PDE1C: variants seen among roughly 807,000 people sequenced by gnomAD.
PDE1C encodes the protein phosphodiesterase 1C.
Under a neutral mutation model 93.1 loss-of-function variants are expected in PDE1C, and 62 were observed. The ratio of observed to expected loss-of-function variants is 0.67; its 90% CI spans 0.54 to 0.82. PDE1C has a LOEUF of 0.82. Among genes scored for constraint, PDE1C ranks in the 40% least tolerant of loss-of-function variants. PDE1C has a pLI of 0.00. For synonymous variants in PDE1C, 325 were observed against 310.1 expected (o/e 1.05, Z -0.50); for missense variants, 742 against 884.6 (o/e 0.84, Z 2.04).
At chr7:31,733,454 C>T in the PDE1C span, among the ~76,000 whole-genome samples, 7 of 152,140 alleles carry the variant, frequency 4.6e-5, no homozygotes, top group Non-Finnish European at 8.8e-5. Flanking sequence ...AGAGAACAGC[C>T]ACTATGGCTC....
intron 2 of PDE1C, among the ~76,000 whole-genome samples, chr7:32,023,718 T>G (rs1789025224): frequency 6.6e-6 from 1 of 151,880 alleles, no homozygotes; most frequent in South Asian, 2.1e-4. Flanking sequence ...TACAAAATTA[T>G]AGAGATAAAG....
the PDE1C span, among the ~76,000 whole-genome samples, chr7:31,690,264 A>G: frequency 6.6e-6 from 1 of 152,246 alleles, no homozygotes; most frequent in Non-Finnish European, 1.5e-5. Context: ...CATTACATAA[A>G]AATAGCTGCC....
chr7:32,036,271 G>A (rs1376394096), intron 2 of PDE1C, among the ~76,000 whole-genome samples: 3 of 152,090 alleles, frequency 2.0e-5, no homozygotes, highest in Non-Finnish European at 2.9e-5. Context: ...CCATCCTACG[G>A]GTTTACTAGG....
At chr7:31,776,519 A>T (rs1048340512) in intron 16 of PDE1C, among the ~76,000 whole-genome samples, 3 of 152,180 alleles carry the variant, frequency 2.0e-5, no homozygotes, top group African/African-American at 7.2e-5. Flanking sequence ...AGGAGAGAGC[A>T]GAATAAAGGG....
At chr7:31,810,099 A>G (rs574020175) in intron 15 of PDE1C, among the ~76,000 whole-genome samples, 1 of 152,260 alleles carries the variant, frequency 6.6e-6, no homozygotes, top group Non-Finnish European at 1.5e-5. Flanking sequence ...GGTTCTTTAC[A>G]GTATAACAGT....
chr7:31,759,213 G>C (rs1794675473), intron 17 of PDE1C, among the ~76,000 whole-genome samples: 1 of 152,178 alleles, frequency 6.6e-6, no homozygotes, highest in Non-Finnish European at 1.5e-5. Context: ...TTTGGTGACA[G>C]AGCAAAACAC....
At chr7:32,316,126 C>A (rs1207252371) in intron 1 of PDE1C, among the ~76,000 whole-genome samples, 1 of 152,152 alleles carries the variant, frequency 6.6e-6, no homozygotes, top group Non-Finnish European at 1.5e-5. Context: ...TCCGTTTTGA[C>A]CATTGATGTA....
chr7:32,247,549 T>C (rs181366791), intron 1 of PDE1C, among the ~76,000 whole-genome samples: 1 of 152,202 alleles, frequency 6.6e-6, no homozygotes, highest in East Asian at 2.0e-4. Flanking sequence ...CCCCAACTTA[T>C]AATGGCTCAA....
chr7:32,067,135 A>C (rs375007317), intron 1 of PDE1C, among the ~76,000 whole-genome samples: 7 of 152,092 alleles, frequency 4.6e-5, no homozygotes, highest in African/African-American at 1.7e-4. Flanking sequence ...GCTAAGATAG[A>C]GTGTTTAAAA....
Position 31,854,924 on chromosome 7 carries a change from G to A in PDE1C, c.751-4183C>T, listed in dbSNP as rs149672444. Among the ~76,000 whole-genome samples, 1,092 of 152,058 alleles carry A rather than the reference G, an allele frequency of 7.2e-3. 6 individuals carry two copies. Among genetic ancestry groups the A allele is most frequent in the Non-Finnish European group, 8.7e-3 (591 of 67,966 alleles). ...TCTACTGAAAATACAAAAATCAGCCGGGTGTGCTGGCGGGTGCCTGTAATC... is the reference window on the plus strand; with the variant it reads ...TCTACTGAAAATACAAAAATCAGCCAGGTGTGCTGGCGGGTGCCTGTAATC... On this transcript the variant is annotated intron_variant, in intron 7 of 17. Transcript: ENST00000396191.
At chr7:31,689,304 A>G in the PDE1C span, among the ~76,000 whole-genome samples, 3 of 152,214 alleles carry the variant, frequency 2.0e-5, no homozygotes, top group African/African-American at 7.2e-5. Context: ...AATGTGAAGT[A>G]TTAGACAACA....
chr7:31,678,645 C>T, the PDE1C span, among the ~76,000 whole-genome samples: 1 of 152,246 alleles, frequency 6.6e-6, no homozygotes, highest in Admixed American at 6.5e-5. Flanking sequence ...CATCACAATT[C>T]TGTAGGACAG....
chr7:31,796,712 T>C lies in PDE1C; in HGVS notation c.1891+12319A>G, dbSNP rs933883790. On this transcript the variant is annotated intron_variant, in intron 16 of 17. Coordinates refer to ENST00000396191, the MANE Select transcript of PDE1C (RefSeq NM_001191057.4). ...CACTCACATATTATGGATTGGTTAA[T>C]AGATTTTCCCCAAATCTATAAAAAA... 2.0e-5 allele frequency among the ~76,000 whole-genome samples: 3 copies of C among 151,724 alleles called. No homozygotes were observed. The East Asian group carries it at 5.8e-4, about 29-fold the overall frequency.
chr7:31,651,247 A>G, the PDE1C span: 1 of 1,613,348 alleles, frequency 6.2e-7, no homozygotes, highest in Non-Finnish European at 8.5e-7. Context: ...CCTCTTTTCC[A>G]GGGACATGTC....
intron 1 of PDE1C, among the ~76,000 whole-genome samples, chr7:32,339,917 A>G (rs762466603): frequency 6.6e-5 from 10 of 152,174 alleles, no homozygotes; most frequent in Non-Finnish European, 1.2e-4. Context: ...CCTTGCTGGC[A>G]TGGTTGTGTT....
chr7:32,140,037 T>C (rs985096131), intron 3 of PDE1C, among the ~76,000 whole-genome samples: 2 of 152,210 alleles, frequency 1.3e-5, no homozygotes, highest in Non-Finnish European at 2.9e-5. Flanking sequence ...CTTCTACATA[T>C]GTGCAATAAC....
At chr7:32,112,796 A>C (rs1798716567) in intron 3 of PDE1C, among the ~76,000 whole-genome samples, 1 of 134,938 alleles carries the variant, frequency 7.4e-6, no homozygotes, top group African/African-American at 2.6e-5. Context: ...AAACATATAT[A>C]TACATATATG....
chr7:32,140,566 C>T (rs1259941914), intron 3 of PDE1C, among the ~76,000 whole-genome samples: 1 of 152,260 alleles, frequency 6.6e-6, no homozygotes, highest in African/African-American at 2.4e-5. Flanking sequence ...TCCCTTCACA[C>T]TTTTCCTGAC....
chr7:31,715,650 G>T, the PDE1C span, among the ~76,000 whole-genome samples: 1 of 152,222 alleles, frequency 6.6e-6, no homozygotes, highest in African/African-American at 2.4e-5. Context: ...CACAGCTTAT[G>T]CTGGGCAACC....
Sources: allele counts gnomAD v4.1 joint callset (sites outside exome capture counted in the v4.1 genomes callset), GRCh38; gene constraint gnomAD v4.1.1; transcripts MANE v1.5; gene names NCBI Gene and HGNC (gene_info 2026-07-23, HGNC 2026-07-21).